The following INSC variants were observed in gnomAD, a reference collection of about 807,000 sequenced individuals.
INSC encodes the protein INSC spindle orientation adaptor protein, also known as protein inscuteable homolog.
A neutral mutation model predicts 58.6 loss-of-function variants in INSC; 67 were observed. That is an observed-to-expected ratio of 1.14 (90% CI 0.94 to 1.40). The LOEUF is 1.40. Ranked by LOEUF, INSC falls within the 40% of genes most tolerant of loss-of-function variation. The probability of loss-of-function intolerance (pLI) is 0.00; values close to 1 mark genes in which losing one functional copy is unlikely to be tolerated. For synonymous variants in INSC, 262 were observed against 276.1 expected (o/e 0.95, Z 0.51); for missense variants, 714 against 692.0 (o/e 1.03, Z -0.36).
intron 8 of INSC, among the ~76,000 whole-genome samples, chr11:15,223,767 A>C (rs1010944341): frequency 6.6e-6 from 1 of 152,220 alleles, no homozygotes; most frequent in African/African-American, 2.4e-5. Flanking sequence ...AAATCAGAGG[A>C]TAAGGCAATC....
intron 2 of INSC, 87 bp from the exon 3 acceptor site, chr11:15,175,654 C>A: frequency 1.0e-6 from 1 of 961,694 alleles, no homozygotes; most frequent in Non-Finnish European, 1.5e-6. Context: ...ATAATAGGTG[C>A]TTAGTAAATA....
Position 15,124,343 on chromosome 11 carries a change from A to C in INSC, c.-46+9340A>C, listed in dbSNP as rs544586820. Among the ~76,000 whole-genome samples the C allele has an allele frequency of 1.1e-4, 17 of 152,214 alleles. No homozygotes were observed. In the South Asian group the frequency reaches 3.5e-3, roughly 32 times the overall value. ...TGGGAGACCAGAAGTGGCCACACTG[A>C]TTACTCCTCTTGGCTCACTATCTGC... On this transcript the variant is annotated intron_variant, in intron 1 of 12. Coordinates refer to ENST00000379556, the MANE Select transcript of INSC (RefSeq NM_001042536.3).
At chr11:15,247,732 G>GATATATATATATATATATATATATATAT (rs1852604816), downstream of INSC, among the ~76,000 whole-genome samples, 1 of 59,370 alleles carries the variant, frequency 1.7e-5, no homozygotes. Context: ...TTAGAAATAA[G>GATATATATATATATATATATATATATAT]GTATATATAT....
intron 4 of INSC, 68 bp from the exon 5 acceptor site, chr11:15,178,256 C>A: frequency 6.3e-7 from 1 of 1,592,982 alleles, no homozygotes; most frequent in Non-Finnish European, 8.6e-7. Context: ...CAGTTCTGGC[C>A]CGTGCAACAT....
intron 1 of INSC, among the ~76,000 whole-genome samples, chr11:15,127,902 G>T (rs570834662): frequency 1.2e-4 from 18 of 152,292 alleles, no homozygotes; most frequent in African/African-American, 4.3e-4. Context: ...GGCTGAGGCA[G>T]GAGAATTGCT....
At chr11:15,248,216 A>C (rs1852612495), downstream of INSC, among the ~76,000 whole-genome samples, 1 of 152,168 alleles carries the variant, frequency 6.6e-6, no homozygotes, top group South Asian at 2.1e-4. Flanking sequence ...ACACTTAATA[A>C]TTTTTACTGC....
At chr11:15,115,478 T>A (rs1268537426) in intron 1 of INSC, among the ~76,000 whole-genome samples, 1 of 152,138 alleles carries the variant, frequency 6.6e-6, no homozygotes, top group African/African-American at 2.4e-5. Flanking sequence ...TTGTCCCAGC[T>A]GGGGTGTCTT....
rs552719252 is a variant in INSC at position 15,225,742 on chromosome 11, A to T, written c.1084A>T (p.Met362Leu). 4 of 1,614,052 alleles carry T rather than the reference A, an allele frequency of 2.5e-6. No individual in the cohort carries two copies. In the East Asian group the frequency reaches 8.9e-5, roughly 36 times the overall value. ...GTTCTTTGACACAATGGCCTGCGAG[A>T]TGCTCCTGCAGTTGAATGCCATCCG... ...ITFFDTMACE[M>L]LLQLNAIRVL... The change falls in exon 9 of 13, where the codon ATG becomes TTG. Residue 362 changes from methionine to leucine, a missense_variant. Coordinates refer to ENST00000379556, the MANE Select transcript of INSC (RefSeq NM_001042536.3).
upstream of INSC, among the ~76,000 whole-genome samples, chr11:15,113,143 T>TTC: frequency 2.0e-5 from 2 of 98,642 alleles, no homozygotes; most frequent in Admixed American, 1.1e-4. Flanking sequence ...CTTTCTTTCT[T>TTC]TCTGTCTCTC....
intron 2 of INSC, among the ~76,000 whole-genome samples, chr11:15,164,710 C>T (rs1401058076): frequency 2.6e-5 from 4 of 152,146 alleles, no homozygotes; most frequent in Non-Finnish European, 5.9e-5. Flanking sequence ...TTCTTCGTCT[C>T]ATAAGATAAT....
chr11:15,238,789 C>T, intron 10 of INSC, 130 bp from the exon 11 acceptor site: 1 of 840,314 alleles, frequency 1.2e-6, no homozygotes, highest in Non-Finnish European at 1.8e-6. Context: ...CCAGCTTCCT[C>T]CCTGTGGGTG....
intron 1 of INSC, among the ~76,000 whole-genome samples, chr11:15,132,203 T>C (rs2133706736): frequency 6.6e-6 from 1 of 152,308 alleles, no homozygotes; most frequent in Middle Eastern, 3.4e-3. Flanking sequence ...GCACTTTAAA[T>C]AGCTTTAGTC....
intron 9 of INSC, among the ~76,000 whole-genome samples, chr11:15,229,961 TATA>T (rs1263122441): frequency 9.0e-5 from 3 of 33,212 alleles, no homozygotes; most frequent in African/African-American, 4.2e-4. Context: ...TATATATATT[TATA>T]TATATATATA....
intron 1 of INSC, among the ~76,000 whole-genome samples, chr11:15,122,667 T>C (rs895743494): frequency 2.0e-5 from 3 of 152,188 alleles, no homozygotes; most frequent in Non-Finnish European, 4.4e-5. Flanking sequence ...TCCGTCCCCA[T>C]ATCTTGTTGA....
rs768766028 is a variant in INSC at position 15,190,727 on chromosome 11, A to G, written c.606A>G (p.Ser202=). ...CACTGGTGAGAAAAATTGATGCCTC[A>G]GACAATATCTACACCACAGAGTCCA... ...VQALVRKIDA[S]DNIYTTESTT... The change falls in exon 6 of 13, where the codon TCA becomes TCG. Residue 202 remains serine, a synonymous_variant. Transcript: ENST00000379556. 2 of 1,613,478 alleles carry G rather than the reference A, an allele frequency of 1.2e-6. No individual in the cohort carries two copies. The highest frequency in any genetic ancestry group is 1.7e-6 in the Non-Finnish European group (2 of 1,179,742).
chr11:15,207,249 T>C (rs1025688698), intron 7 of INSC, among the ~76,000 whole-genome samples: 22 of 152,202 alleles, frequency 1.4e-4, no homozygotes, highest in Non-Finnish European at 1.9e-4. Context: ...TTTCCAGAAC[T>C]GAAAGACCAG....
chr11:15,230,017 TATA>T (rs1851859343), intron 9 of INSC, among the ~76,000 whole-genome samples: 1 of 40,266 alleles, frequency 2.5e-5, no homozygotes, highest in African/African-American at 1.9e-4. Flanking sequence ...ATATATAATA[TATA>T]TATATATATA....
At chr11:15,213,334 G>T (rs577659312) in intron 7 of INSC, among the ~76,000 whole-genome samples, 2 of 152,250 alleles carry the variant, frequency 1.3e-5, no homozygotes, top group South Asian at 4.2e-4. Context: ...CAAATTTCTG[G>T]TGGTAAAGTC....
At position 15,149,143 on chromosome 11, in the gene INSC, G is replaced by A. The variant is rs764310872; in HGVS notation, c.-32G>A. On this transcript the variant is annotated 5_prime_UTR_variant, in exon 2 of 13. Coordinates refer to ENST00000379556, the MANE Select transcript of INSC (RefSeq NM_001042536.3). ...CTCTATTTTCAGGGTCACGACCGCT[G>A]CAAGCAGGCTTTGCTGCAGATTGGG... 11 of 1,609,674 alleles carry A rather than the reference G, an allele frequency of 6.8e-6. No individual in the cohort carries two copies. In the South Asian group the frequency reaches 9.9e-5, roughly 15 times the overall value.
Sources: gnomAD v4.1 joint callset for allele counts (sites outside exome capture counted in the v4.1 genomes callset) on GRCh38, gnomAD v4.1.1 for gene constraint, MANE v1.5 for transcripts, NCBI Gene and HGNC (gene_info 2026-07-23, HGNC 2026-07-21) for gene names.